Variants in ZNF395 observed in about 807,000 individuals in gnomAD.
The protein encoded by ZNF395 is HD gene regulatory region-binding protein 2.
In ZNF395, 20 loss-of-function variants were observed where a neutral mutation model predicts 57.7. That is an observed-to-expected ratio of 0.35 (90% CI 0.24 to 0.50). ZNF395 has a LOEUF of 0.50. Among genes scored for constraint, ZNF395 ranks in the 20% least tolerant of loss-of-function variants. ZNF395 has a pLI of 0.97. For missense variants in ZNF395, 606 were observed against 671.2 expected, an observed-to-expected ratio of 0.90 and a Z score of 1.07; for synonymous variants, 295 against 275.9, an observed-to-expected ratio of 1.07 and a Z score of -0.69.
intron 8 of ZNF395, 61 bp downstream of exon 8, chr8:28,350,003 T>C (rs1801660060): frequency 1.4e-6 from 2 of 1,456,728 alleles, no homozygotes; most frequent in Admixed American, 2.7e-5. Context: ...CCTCCAGCCC[T>C]GGGATGTGTG....
At chr8:28,350,699 G>A (rs1052344551) in intron 7 of ZNF395, among the ~76,000 whole-genome samples, 2 of 152,240 alleles carry the variant, frequency 1.3e-5, no homozygotes, top group African/African-American at 2.4e-5. Flanking sequence ...TTCTAACAAG[G>A]AGGAGGGCTG....
In ZNF395 at chr8:28,351,745, A is replaced by C; in HGVS notation, c.983T>G (p.Leu328Arg). ...EEDFYYTEVQ[L>R]KEESAAAAAA... ...AGCAGCAGCAGCAGATTCCTCCTTC[A>C]GCTGCACCTCTGTGTAGTAGAAATC... is the stretch of plus-strand genomic sequence containing the variant. Residue 328 changes from leucine (L) to arginine (R), a missense_variant, in exon 7 of 10, where the codon CTG becomes CGG. By Grantham distance (102) the Leu-to-Arg change is moderately radical (BLOSUM62 -2). This residue lies in a region of ZNF395 where 261 missense variants were observed against 240.3 expected (regional missense o/e 1.09). Coordinates refer to ENST00000344423, the MANE Select transcript of ZNF395 (RefSeq NM_018660.3). The C allele has an allele frequency of 6.2e-7, 1 of 1,603,272 alleles. No homozygotes were observed. Among genetic ancestry groups the C allele is most frequent in the Non-Finnish European group, 8.5e-7 (1 of 1,179,050 alleles).
At chr8:28,351,329 C>A (rs915150922) in intron 7 of ZNF395, 166 bp downstream of exon 7, 1 of 687,162 alleles carries the variant, frequency 1.5e-6, no homozygotes, top group Non-Finnish European at 2.3e-6. Context: ...GGAATTCCCA[C>A]ATTTATTGAG....
At chr8:28,372,321 C>A (rs1280339675) in intron 1 of ZNF395, among the ~76,000 whole-genome samples, 1 of 152,142 alleles carries the variant, frequency 6.6e-6, no homozygotes, top group African/African-American at 2.4e-5. Flanking sequence ...ATACTGAGCA[C>A]TGTGCCTAGC....
At chr8:28,349,492 T>C (rs6987934) in intron 8 of ZNF395, among the ~76,000 whole-genome samples, 3,467 of 152,266 alleles carry the variant, frequency 0.023, 150 homozygotes, top group African/African-American at 0.08. Context: ...GCAGGGGACT[T>C]AGACGGAGCC....
At position 28,384,859 on chromosome 8, in the gene ZNF395, T is replaced by A. The variant is rs537798106; in HGVS notation, c.-59+1534A>T. The stretch of plus-strand genomic sequence containing the variant: ...AAACTCCTAAATCACTTCCACCTAG[T>A]CCTAGGCTTCCTGAAGCCTGGGGTC... On this transcript the variant is annotated intron_variant, in intron 1 of 9. Transcript: ENST00000344423. Among the ~76,000 whole-genome samples the A allele has an allele frequency of 3.3e-5, 5 of 152,360 alleles. No individual in the cohort carries two copies. The East Asian group carries it at 9.6e-4, about 29-fold the overall frequency.
chr8:28,369,767 AC>A (rs1171365749), intron 1 of ZNF395, among the ~76,000 whole-genome samples: 1 of 152,098 alleles, frequency 6.6e-6, no homozygotes, highest in Non-Finnish European at 1.5e-5. Context: ...ACTCACCGGA[AC>A]CCCCGGGAAA....
intron 1 of ZNF395, chr8:28,368,604 T>G (rs1585860324): frequency 1.4e-5 from 2 of 141,588 alleles, no homozygotes; most frequent in Admixed American, 7.1e-5. Flanking sequence ...AGGAAGAGAG[T>G]GAGTTTCATG....
At chr8:28,354,748 C>A (rs893012255) in intron 4 of ZNF395, among the ~76,000 whole-genome samples, 22 of 152,148 alleles carry the variant, frequency 1.4e-4, no homozygotes, top group African/African-American at 5.1e-4. Flanking sequence ...AAAGGGTACA[C>A]CTTCAGGGCA....
chr8:28,356,694 G>A lies in ZNF395; in HGVS notation c.559C>T (p.Pro187Ser), dbSNP rs1267447639. ...LSCSPVVQSP[P>S]GTEANFSASR... The stretch of plus-strand genomic sequence containing the variant: ...CCAGAGAAGTTGGCCTCGGTCCCGG[G>A]AGGACTCTGTACAACAGGGCTGCAG... The change falls in exon 4 of 10, where the codon CCC (proline) becomes TCC (serine). Residue 187 changes from proline (P) to serine (S), a missense_variant. Physicochemically the swap from Pro to Ser is moderately conservative, Grantham distance 74. Around this residue, in one of 3 missense-constraint regions of ZNF395, gnomAD observed 309 missense variants for 374.7 expected, o/e 0.82. Coordinates refer to ENST00000344423, the MANE Select transcript of ZNF395 (RefSeq NM_018660.3). This position sits in a 1 kb window ranked among gnomAD's most constrained non-coding sequence, Gnocchi z 4.0. The A allele has an allele frequency of 2.5e-6, 4 of 1,614,042 alleles. No homozygotes were observed. The highest frequency in any genetic ancestry group is 4.5e-5 in the East Asian group (2 of 44,898).
chr8:28,361,259 C>T lies in ZNF395; in HGVS notation c.-58-77G>A, dbSNP rs185237180. The T allele has an allele frequency of 1.1e-3, 1,286 of 1,220,296 alleles. 16 individuals are homozygous for T. In the East Asian group the frequency reaches 0.027, roughly 26 times the overall value. 75.6% of individuals were successfully genotyped at this position (1,220,296 alleles called of 1,614,324 possible). ...GAAGGGTCTACTAAAATAAGTGAAC[C>T]CTTTAAAGTCAACTTCTAGCATCCT... On this transcript the variant is annotated intron_variant, in intron 1 of 9. Transcript: ENST00000344423.
At chr8:28,381,936 T>G (rs1179380702) in intron 1 of ZNF395, among the ~76,000 whole-genome samples, 2 of 152,164 alleles carry the variant, frequency 1.3e-5, no homozygotes, top group African/African-American at 4.8e-5. Context: ...CAAAAAGTGC[T>G]ATTGACTTGC....
At chr8:28,351,952 C>T in intron 6 of ZNF395, 145 bp from the exon 7 acceptor site, 1 of 864,684 alleles carries the variant, frequency 1.2e-6, no homozygotes, top group South Asian at 1.9e-5. Flanking sequence ...GTGCCTCGCT[C>T]CTGACGGGTG....
intron 1 of ZNF395, among the ~76,000 whole-genome samples, chr8:28,369,721 G>A (rs1310619649): frequency 6.6e-6 from 1 of 152,176 alleles, no homozygotes; most frequent in African/African-American, 2.4e-5. Context: ...AGCTAATCCC[G>A]CCCACACGGG....
At chr8:28,349,963 G>T in intron 8 of ZNF395, 101 bp downstream of exon 8, 3 of 1,084,188 alleles carry the variant, frequency 2.8e-6, no homozygotes, top group East Asian at 2.8e-5. Context: ...ACACCGACCT[G>T]TGGCCACGTG....
At chr8:28,350,841 T>C (rs1801673025) in intron 7 of ZNF395, among the ~76,000 whole-genome samples, 1 of 152,256 alleles carries the variant, frequency 6.6e-6, no homozygotes, top group Non-Finnish European at 1.5e-5. Context: ...TGCATGTTCC[T>C]TGAGTACCTA....
At chr8:28,353,663 A>C (rs1034074973) in intron 4 of ZNF395, among the ~76,000 whole-genome samples, 2 of 152,096 alleles carry the variant, frequency 1.3e-5, no homozygotes, top group African/African-American at 4.8e-5. Context: ...TTTTAAACAA[A>C]AATTTTTTTT....
In ZNF395 at chr8:28,347,792, C is replaced by T; in HGVS notation, c.*927G>A. On this transcript the variant is annotated 3_prime_UTR_variant, in exon 10 of 10. Coordinates refer to ENST00000344423, the MANE Select transcript of ZNF395 (RefSeq NM_018660.3). The stretch of plus-strand genomic sequence containing the variant: ...AAAAGAAAACTTTAATCAGTAAAGG[C>T]TTCTGAATACATCGTAAAAGAAAAC... 6.6e-6 allele frequency: 1 copy of T among 152,226 alleles called. No homozygotes were observed. Among genetic ancestry groups the T allele is most frequent in the African/African-American group, 2.4e-5 (1 of 41,464 alleles). 9.4% of individuals were successfully genotyped at this position (152,226 alleles called of 1,614,324 possible).
At chr8:28,378,088 G>A (rs562325069) in intron 1 of ZNF395, among the ~76,000 whole-genome samples, 1 of 151,964 alleles carries the variant, frequency 6.6e-6, no homozygotes, top group Non-Finnish European at 1.5e-5. Flanking sequence ...ATGTCAATCT[G>A]TGTTGTTCAT....
Sources: allele counts gnomAD v4.1 joint callset (sites outside exome capture counted in the v4.1 genomes callset), GRCh38; gene constraint gnomAD v4.1.1; regional missense constraint gnomAD v4.1.1; non-coding constraint Gnocchi (gnomAD v3.1); transcripts MANE v1.5; gene names NCBI Gene and HGNC (gene_info 2026-07-23, HGNC 2026-07-21).